Variants in IL21R observed in about 807,000 individuals in gnomAD.
The protein encoded by IL21R is interleukin 21 receptor, also known as interleukin-21 receptor.
Under a neutral mutation model 41.3 loss-of-function variants are expected in IL21R, and 14 were observed. That is an observed-to-expected ratio of 0.34 (90% CI 0.22 to 0.53). The LOEUF (loss-of-function observed/expected upper bound fraction) is 0.53. IL21R is among the 20% of genes least tolerant of loss of function. IL21R has a pLI of 0.94. For synonymous variants in IL21R, 286 were observed against 287.6 expected, an observed-to-expected ratio of 0.99 and a Z score of 0.05; for missense variants, 588 against 681.6, an observed-to-expected ratio of 0.86 and a Z score of 1.53.
At chr16:27,408,352 G>C (rs1340251280) in intron 1 of IL21R, among the ~76,000 whole-genome samples, 4 of 152,264 alleles carry the variant, frequency 2.6e-5, no homozygotes, top group Non-Finnish European at 4.4e-5. Context: ...AATGGAGCAT[G>C]TTGGTGAGGC....
chr16:27,443,549 A>C (rs1340130131), intron 5 of IL21R, among the ~76,000 whole-genome samples: 1 of 152,178 alleles, frequency 6.6e-6, no homozygotes, highest in Non-Finnish European at 1.5e-5. Flanking sequence ...TTTGGAGGCC[A>C]AGGCAGGTGG....
chr16:27,429,260 T>C (rs1345159185), intron 1 of IL21R, among the ~76,000 whole-genome samples: 1 of 151,938 alleles, frequency 6.6e-6, no homozygotes, highest in East Asian at 1.9e-4. Context: ...ACTGGCTTTT[T>C]TTTACAACAT....
intron 4 of IL21R, among the ~76,000 whole-genome samples, chr16:27,440,718 G>T (rs2141301958): frequency 6.6e-6 from 1 of 152,240 alleles, no homozygotes; most frequent in Non-Finnish European, 1.5e-5. Context: ...CAAAATCACA[G>T]GGTGAGAGGT....
In IL21R at chr16:27,410,557, C is replaced by T. The variant is rs77718993; in HGVS notation, c.-17+7939C>T. On this transcript the variant is annotated intron_variant, in intron 1 of 8. Coordinates refer to ENST00000337929, the MANE Select transcript of IL21R (RefSeq NM_181078.3). ...AAACCCAGCCCACTTCAACTGACCA[C>T]CAGTTGAGGGCTTCCTGCCTTTCTT... 9.2e-3 allele frequency among the ~76,000 whole-genome samples: 1,405 copies of T among 152,306 alleles called. 13 individuals are homozygous for T. Among genetic ancestry groups the T allele is most frequent in the African/African-American group, 0.032 (1,309 of 41,550 alleles).
chr16:27,408,507 A>G (rs955139443), intron 1 of IL21R, among the ~76,000 whole-genome samples: 4 of 152,154 alleles, frequency 2.6e-5, no homozygotes, highest in Non-Finnish European at 4.4e-5. Flanking sequence ...GTAAGAATGG[A>G]GTTGGAGGAA....
chr16:27,440,236 T>TAGAGAG (rs1204214374), intron 4 of IL21R, among the ~76,000 whole-genome samples: 1 of 86,288 alleles, frequency 1.2e-5, no homozygotes, highest in Middle Eastern at 5.2e-3. Flanking sequence ...TATATATATA[T>TAGAGAG]ATATATATAT....
intron 8 of IL21R, 21 bp from the exon 9 acceptor site, chr16:27,448,513 C>A: frequency 6.4e-7 from 1 of 1,573,260 alleles, no homozygotes; most frequent in African/African-American, 1.4e-5. Context: ...TGCTATGACT[C>A]TCTCTTTTTC....
chr16:27,409,065 T>G (rs1567354964), intron 1 of IL21R, among the ~76,000 whole-genome samples: 2 of 152,028 alleles, frequency 1.3e-5, no homozygotes, highest in Non-Finnish European at 1.5e-5. Context: ...AAAGTGGTTG[T>G]GTCGATTTAC....
Position 27,425,112 on chromosome 16 carries a change from A to C in IL21R, c.-16-4944A>C, listed in dbSNP as rs188250724. 4.1e-3 allele frequency among the ~76,000 whole-genome samples: 623 copies of C among 152,354 alleles called. 1 individual carries two copies. Among genetic ancestry groups the C allele is most frequent in the Middle Eastern group, 0.024 (7 of 294 alleles). The stretch of plus-strand genomic sequence containing the variant: ...CTCCAACATTGGGGATGACATTTCA[A>C]CATGAGATTTGGGTGGGACAAATAT... On this transcript the variant is annotated intron_variant, in intron 1 of 8. Transcript: ENST00000337929.
intron 1 of IL21R, among the ~76,000 whole-genome samples, chr16:27,416,204 G>T (rs2141265907): frequency 6.6e-6 from 1 of 152,216 alleles, no homozygotes; most frequent in East Asian, 1.9e-4. Context: ...GGCTGGAGTT[G>T]CAGCTCACTG....
At chr16:27,406,414 C>T (rs779883220) in intron 1 of IL21R, among the ~76,000 whole-genome samples, 5 of 151,610 alleles carry the variant, frequency 3.3e-5, no homozygotes, top group East Asian at 1.9e-4. Context: ...GTGGGGGGTG[C>T]GGGTGCTGGG....
intron 1 of IL21R, among the ~76,000 whole-genome samples, chr16:27,404,670 G>A (rs1237561116): frequency 1.3e-5 from 2 of 152,194 alleles, no homozygotes; most frequent in South Asian, 2.1e-4. Context: ...CCTGCGGTTA[G>A]ATGGGGGAAC....
chr16:27,407,714 A>G (rs966777711), intron 1 of IL21R, among the ~76,000 whole-genome samples: 3 of 152,208 alleles, frequency 2.0e-5, no homozygotes, highest in Non-Finnish European at 4.4e-5. Flanking sequence ...AATCCCAGCT[A>G]CTTGGGAGGC....
At position 27,449,291 on chromosome 16, in the gene IL21R, G is replaced by A. The variant is rs2141320749; in HGVS notation, c.*8G>A. The A allele has an allele frequency of 1.3e-6, 2 of 1,582,506 alleles. No homozygotes were observed. The highest frequency in any genetic ancestry group is 1.3e-5 in the African/African-American group (1 of 74,680). On this transcript the variant is annotated 3_prime_UTR_variant, in exon 9 of 9. Transcript: ENST00000337929. ...GGACCCCAGGCCAGCTAATGAGGCT[G>A]ACTGGATGTCCAGAGCTGGCCAGGC...
intron 1 of IL21R, among the ~76,000 whole-genome samples, chr16:27,420,179 C>T (rs148369248): frequency 2.0e-3 from 301 of 152,248 alleles, no homozygotes; most frequent in African/African-American, 6.6e-3. Flanking sequence ...CGTGAGCCAC[C>T]GCACCTAGCC....
At chr16:27,421,750 G>T (rs1433062152) in intron 1 of IL21R, among the ~76,000 whole-genome samples, 2 of 151,930 alleles carry the variant, frequency 1.3e-5, no homozygotes, top group Non-Finnish European at 2.9e-5. Flanking sequence ...ATTGGTTTTT[G>T]TTCGTTTTAG....
At chr16:27,433,847 C>T (rs1439314660) in intron 2 of IL21R, among the ~76,000 whole-genome samples, 2 of 152,118 alleles carry the variant, frequency 1.3e-5, no homozygotes, top group Non-Finnish European at 2.9e-5. Flanking sequence ...TCCTGTGGAT[C>T]CAACTTCTGT....
chr16:27,438,911 G>A (rs996196483), intron 4 of IL21R, among the ~76,000 whole-genome samples: 6 of 151,598 alleles, frequency 4.0e-5, no homozygotes, highest in African/African-American at 1.5e-4. Context: ...GGAAGGGCCT[G>A]GGAGGTGGCT....
In IL21R at chr16:27,429,408, T is replaced by G. The variant is rs3093299; in HGVS notation, c.-16-648T>G. 2.9e-3 allele frequency among the ~76,000 whole-genome samples: 436 copies of G among 152,290 alleles called. 3 individuals carry two copies. Among genetic ancestry groups the G allele is most frequent in the African/African-American group, 9.8e-3 (409 of 41,558 alleles). On this transcript the variant is annotated intron_variant, in intron 1 of 8. Coordinates refer to ENST00000337929, the MANE Select transcript of IL21R (RefSeq NM_181078.3). Reference sequence around the variant, plus strand: ...TGTTAGATAGATAAATACACAAGTTTAATTTCACACACAATGCTACATCAA... The same window carrying G: ...TGTTAGATAGATAAATACACAAGTTGAATTTCACACACAATGCTACATCAA...
Sources: gnomAD v4.1 joint callset for allele counts (sites outside exome capture counted in the v4.1 genomes callset) on GRCh38, gnomAD v4.1.1 for gene constraint, MANE v1.5 for transcripts, NCBI Gene and HGNC (gene_info 2026-07-23, HGNC 2026-07-21) for gene names.